Variants in ARHGAP4 observed in about 807,000 individuals in gnomAD.
ARHGAP4 encodes the protein Rho GTPase activating protein 4, also known as rho GTPase-activating protein 4.
Under a neutral mutation model 67.6 loss-of-function variants are expected in ARHGAP4, and 25 were observed. The observed-to-expected ratio is 0.37, with a 90% CI of 0.27 to 0.52. The LOEUF is 0.52. ARHGAP4 is among the 20% of genes least tolerant of loss of function. The pLI, the probability that ARHGAP4 is intolerant of heterozygous loss-of-function variation, is 0.92. For synonymous variants in ARHGAP4, 448 were observed against 373.7 expected, an observed-to-expected ratio of 1.20 and a Z score of -2.29; for missense variants, 804 against 854.6, an observed-to-expected ratio of 0.94 and a Z score of 0.74.
In ARHGAP4 at chrX:153,913,856, C is replaced by T; in HGVS notation, c.1056G>A (p.Met352Ile). ...TGGGCAGAATCTCGTCCCGCAGCTCCATTTCAACGCAGATCTCAGCCACCT... is the reference window on the plus strand; with the variant it reads ...TGGGCAGAATCTCGTCCCGCAGCTCTATTTCAACGCAGATCTCAGCCACCT... ...GDEVAEICVE[M>I]ELRDEILPRA... The change falls in exon 8 of 22, where the codon ATG becomes ATA. Residue 352 changes from methionine (M) to isoleucine (I), a missense_variant. Around this residue, in one of 2 missense-constraint regions of ARHGAP4, gnomAD observed 404 missense variants for 505.9 expected, o/e 0.80. Transcript: ENST00000350060. The T allele has an allele frequency of 4.1e-6, 5 of 1,212,162 alleles. No individual in the cohort carries two copies. Among genetic ancestry groups the T allele is most frequent in the Non-Finnish European group, 4.5e-6 (4 of 895,524 alleles).
intron 5 of ARHGAP4, 120 bp downstream of exon 5, chrX:153,920,506 G>A: frequency 5.0e-6 from 4 of 802,534 alleles, no homozygotes; most frequent in Non-Finnish European, 6.9e-6. Flanking sequence ...GAACCTGATG[G>A]CACTGTCCTG....
At position 153,912,774 on chromosome X, in the gene ARHGAP4, T is replaced by C. The variant is rs1250796205; in HGVS notation, c.1468A>G (p.Lys490Glu). 23 of 1,209,616 alleles carry C rather than the reference T, an allele frequency of 1.9e-5. No individual in the cohort carries two copies. The highest frequency in any genetic ancestry group is 2.6e-5 in the Non-Finnish European group (23 of 894,557). The stretch of plus-strand genomic sequence containing the variant: ...GAGCTGGGGCGGGGCTGGCGGCTCT[T>C]CTGGAATTTTCTCTGTGTGTACTGG... ...WTQYTQRKFQ[K>E]SRQPRPSSQY... Residue 490 changes from lysine (K) to glutamate (E), a missense_variant, in exon 12 of 22, where the codon AAG becomes GAG. Around this residue, in one of 2 missense-constraint regions of ARHGAP4, gnomAD observed 404 missense variants for 505.9 expected, o/e 0.80. Transcript: ENST00000350060.
chrX:153,910,338 C>T lies in ARHGAP4; in HGVS notation c.1989G>A (p.Thr663=), dbSNP rs782339268. Residue 663 remains threonine (T), a synonymous_variant, in exon 17 of 22, where the codon ACG becomes ACA. Transcript: ENST00000350060. Reference sequence around the variant, plus strand: ...CCTGCCCAGCGGGCACCGGTAGCAGCGTGGGCCCGAAGCACACGGCCAGGT... The same window carrying T: ...CCTGCCCAGCGGGCACCGGTAGCAGTGTGGGCCCGAAGCACACGGCCAGGT... The part of the protein sequence containing the change: ...PYNLAVCFGP[T]LLPVPAGQDP... 12 of 1,208,267 alleles carry T rather than the reference C, an allele frequency of 9.9e-6. No homozygotes were observed. The highest frequency in any genetic ancestry group is 2.2e-6 in the Non-Finnish European group (2 of 893,898).
At position 153,910,953 on chromosome X, in the gene ARHGAP4, C is replaced by A; in HGVS notation, c.1650G>T (p.Arg550=). ...CGAAGGCATCACGGATCTCTGAGAC[C>A]CGGAGCTGGGCACCCGATACCCGGA... ...GIFRVSGAQL[R]VSEIRDAFER... The change falls in exon 14 of 22, where the codon CGG becomes CGT. Residue 550 remains arginine, a synonymous_variant. Transcript: ENST00000350060. The A allele has an allele frequency of 8.6e-7, 1 of 1,161,660 alleles. No individual in the cohort carries two copies. Among genetic ancestry groups the A allele is most frequent in the Non-Finnish European group, 1.1e-6 (1 of 870,231 alleles).
At position 153,919,060 on chromosome X, in the gene ARHGAP4, A is replaced by G; in HGVS notation, c.811-7T>C. 8.3e-7 allele frequency: 1 copy of G among 1,209,712 alleles called. No homozygotes were observed. The highest frequency in any genetic ancestry group is 1.1e-6 in the Non-Finnish European group (1 of 893,965). ...GGAACCCTGTGTCACAGCACTGAGG[A>G]GGAAACAAGGAGATGCTTGGGTAGG... On this transcript the variant is annotated splice_region_variant and splice_polypyrimidine_tract_variant and intron_variant, in intron 6 of 21. Transcript: ENST00000350060.
intron 12 of ARHGAP4, among the ~76,000 whole-genome samples, chrX:153,911,709 C>T (rs782115038): frequency 9.0e-6 from 1 of 111,300 alleles, no homozygotes; most frequent in Non-Finnish European, 1.9e-5. Flanking sequence ...GTCAGAAGTT[C>T]GAGACCAACC....
intron 1 of ARHGAP4, among the ~76,000 whole-genome samples, chrX:153,925,756 C>T (rs1366383622): frequency 3.6e-5 from 4 of 112,274 alleles, no homozygotes; most frequent in Admixed American, 1.9e-4. Flanking sequence ...GACTCCCTTA[C>T]TCACCCCCCA....
At chrX:153,925,664 CT>C (rs1283590692) in intron 1 of ARHGAP4, among the ~76,000 whole-genome samples, 2 of 112,393 alleles carry the variant, frequency 1.8e-5, no homozygotes, top group African/African-American at 3.2e-5. Flanking sequence ...CCCCTCAGTG[CT>C]AAAGGGAGGC....
chrX:153,924,897 A>G (rs1557105889), intron 1 of ARHGAP4, among the ~76,000 whole-genome samples: 1 of 111,984 alleles, frequency 8.9e-6, no homozygotes, highest in African/African-American at 3.2e-5. Context: ...GACCTTTGAG[A>G]ATTTAGGGTG....
rs1557102823 is a variant in ARHGAP4 at position 153,910,523 on chromosome X, G to A, written c.1905C>T (p.Leu635=). The A allele has an allele frequency of 8.3e-7, 1 of 1,205,047 alleles. No homozygotes were observed. Among genetic ancestry groups the A allele is most frequent in the Admixed American group, 2.2e-5 (1 of 45,684 alleles). Residue 635 remains leucine (L), a synonymous_variant, in exon 16 of 22, where the codon CTC becomes CTT. Coordinates refer to ENST00000350060, the MANE Select transcript of ARHGAP4 (RefSeq NM_001666.5). ...PAPVLVVLRY[L]FTFLNHLAQY... Reference sequence around the variant, plus strand: ...GCACTCACTGGTTGAGGAAGGTGAAGAGGTAGCGCAGAACCACCAGCACCG... The same window carrying A: ...GCACTCACTGGTTGAGGAAGGTGAAAAGGTAGCGCAGAACCACCAGCACCG...
chrX:153,910,482 C>T (rs2065011218), intron 16 of ARHGAP4, 24 bp downstream of exon 16: 10 of 1,189,919 alleles, frequency 8.4e-6, no homozygotes, highest in Non-Finnish European at 1.1e-5. Flanking sequence ...GCCCCCACCC[C>T]AGCACTCGCC....
chrX:153,908,978 T>G (rs1347800626), intron 21 of ARHGAP4, 92 bp downstream of exon 21: 122 of 973,905 alleles, frequency 1.3e-4, no homozygotes, highest in Non-Finnish European at 1.7e-4. Context: ...GGGCAACGAC[T>G]GGAACCTCGA....
At chrX:153,923,240 G>C (rs1409686954) in intron 1 of ARHGAP4, among the ~76,000 whole-genome samples, 3 of 110,990 alleles carry the variant, frequency 2.7e-5, no homozygotes, top group African/African-American at 9.8e-5. Flanking sequence ...AAGACGGCAG[G>C]ATTCAGACCA....
rs782144698 is a variant in ARHGAP4 at position 153,909,834 on chromosome X, C to T, written c.2321G>A (p.Arg774Gln). The T allele has an allele frequency of 4.8e-5, 58 of 1,200,177 alleles. No homozygotes were observed. The highest frequency in any genetic ancestry group is 2.3e-4 in the South Asian group (13 of 55,488). ...ELSFRRGDVL[R>Q]LHERASSDWW... ...GTCGCTCGAGGCCCTCTCGTGCAGCCGCAGTACGTCCCCCCGCCGGAAGCT... is the reference window on the plus strand; with the variant it reads ...GTCGCTCGAGGCCCTCTCGTGCAGCTGCAGTACGTCCCCCCGCCGGAAGCT... The change falls in exon 19 of 22, where the codon CGG becomes CAG. Residue 774 changes from arginine (R) to glutamine (Q), a missense_variant. Coordinates refer to ENST00000350060, the MANE Select transcript of ARHGAP4 (RefSeq NM_001666.5).
At position 153,913,882 on chromosome X, in the gene ARHGAP4, G is replaced by A. The variant is rs2065038189; in HGVS notation, c.1033-3C>T. The A allele has an allele frequency of 1.7e-6, 2 of 1,208,999 alleles. No homozygotes were observed. The highest frequency in any genetic ancestry group is 3.5e-5 in the South Asian group (2 of 56,679). ...ATTTCAACGCAGATCTCAGCCACCT[G>A]CAGAGGGCGGCGGCCAGGGGGCTAA... On this transcript the variant is annotated splice_region_variant and splice_polypyrimidine_tract_variant and intron_variant, in intron 7 of 21. Transcript: ENST00000350060.
At position 153,921,448 on chromosome X, in the gene ARHGAP4, C is replaced by T. The variant is rs1209228456; in HGVS notation, c.352G>A (p.Ala118Thr). Residue 118 changes from alanine (A) to threonine (T), a missense_variant, in exon 3 of 22, where the codon GCG becomes ACG. Around this residue, in one of 2 missense-constraint regions of ARHGAP4, gnomAD observed 404 missense variants for 505.9 expected, o/e 0.80. Coordinates refer to ENST00000350060, the MANE Select transcript of ARHGAP4 (RefSeq NM_001666.5). ...CCGGCCAGCACCTCACTCAGGGCCG[C>T]GCTCTCCCGGCTCTGCTGCCGCGTG... ...QHTRQQSRES[A>T]ALSEVLAGPL... is the part of the protein sequence containing the mutation. The T allele has an allele frequency of 5.0e-6, 6 of 1,205,586 alleles. No homozygotes were observed. The highest frequency in any genetic ancestry group is 5.6e-6 in the Non-Finnish European group (5 of 893,354).
rs1557104682 is a variant in ARHGAP4, at chrX:153,919,048, A to G, written c.816T>C (p.Cys272=). The part of the protein sequence containing the change: ...LHDVLDLMDC[C]DTGFHLALGQ... ...CCAGGGCCAGGTGGAACCCTGTGTC[A>G]CAGCACTGAGGAGGAAACAAGGAGA... Residue 272 remains cysteine (C), a synonymous_variant, in exon 7 of 22, where the codon TGT becomes TGC. Transcript: ENST00000350060. 1.7e-6 allele frequency: 2 copies of G among 1,209,331 alleles called. No individual in the cohort carries two copies. The highest frequency in any genetic ancestry group is 3.5e-5 in the African/African-American group (2 of 57,074).
Position 153,909,994 on chromosome X carries a change from T to C in ARHGAP4, c.2230+18A>G. 1 of 1,210,780 alleles carries C rather than the reference T, an allele frequency of 8.3e-7. No homozygotes were observed. The highest frequency in any genetic ancestry group is 2.2e-5 in the Admixed American group (1 of 46,119). ...CTAGGGTGGGGACAGGGTGGGGCTCTCTGCCCATCGCCCTCACCATCCTCC... is the reference window on the plus strand; with the variant it reads ...CTAGGGTGGGGACAGGGTGGGGCTCCCTGCCCATCGCCCTCACCATCCTCC... On this transcript the variant is annotated intron_variant, in intron 18 of 21. Coordinates refer to ENST00000350060, the MANE Select transcript of ARHGAP4 (RefSeq NM_001666.5).
rs2065015325 is a variant in ARHGAP4, at chrX:153,910,851, G to A, written c.1682-17C>T. 1 of 1,187,022 alleles carries A rather than the reference G, an allele frequency of 8.4e-7. No homozygotes were observed. The highest frequency in any genetic ancestry group is 1.1e-6 in the Non-Finnish European group (1 of 882,738). ...GGTCCTCCCCTGCAGATGGGCGAGT[G>A]GTGCGGTAGGGGGAGGAAGCTGGTG... On this transcript the variant is annotated splice_polypyrimidine_tract_variant and intron_variant, in intron 14 of 21. Coordinates refer to ENST00000350060, the MANE Select transcript of ARHGAP4 (RefSeq NM_001666.5).
Sources: gnomAD v4.1 joint callset for allele counts (sites outside exome capture counted in the v4.1 genomes callset) on GRCh38, gnomAD v4.1.1 for gene constraint, gnomAD v4.1.1 regional missense constraint, MANE v1.5 for transcripts, NCBI Gene and HGNC (gene_info 2026-07-23, HGNC 2026-07-21) for gene names.